GRID2: variants seen among roughly 807,000 people sequenced by gnomAD.
GRID2 encodes glutamate receptor ionotropic, delta-2.
A neutral mutation model predicts 114.8 loss-of-function variants in GRID2; 33 were observed. The ratio of observed to expected loss-of-function variants is 0.29; its 90% CI spans 0.22 to 0.38. GRID2 has a LOEUF of 0.38. Among genes scored for constraint, GRID2 ranks in the 10% least tolerant of loss-of-function variants. The probability of loss-of-function intolerance (pLI) is 1.00; values close to 1 mark genes in which losing one functional copy is unlikely to be tolerated. For synonymous variants in GRID2, 505 were observed against 449.9 expected (o/e 1.12, Z -1.55); for missense variants, 1,184 against 1,257.7 (o/e 0.94, Z 0.89).
At chr4:92,307,377 T>C (rs918106988) in intron 1 of GRID2, among the ~76,000 whole-genome samples, 1 of 152,008 alleles carries the variant, frequency 6.6e-6, no homozygotes, top group African/African-American at 2.4e-5. Flanking sequence ...CAGCCTCATG[T>C]GATGTGTTCA....
In GRID2 at chr4:93,332,121, T is replaced by C. The variant is rs532472926; in HGVS notation, c.1246-63486T>C. The stretch of plus-strand genomic sequence containing the variant: ...ATGTATTGCCAACCCACTTCAACGA[T>C]AGTAACTATAAGAAGTACAACTCAA... On this transcript the variant is annotated intron_variant, in intron 8 of 15. Coordinates refer to ENST00000282020, the MANE Select transcript of GRID2 (RefSeq NM_001510.4). Among the ~76,000 whole-genome samples the C allele has an allele frequency of 1.2e-4, 18 of 152,220 alleles. No homozygotes were observed. The South Asian group carries it at 3.7e-3, about 32-fold the overall frequency.
intron 10 of GRID2, among the ~76,000 whole-genome samples, chr4:93,430,226 G>T (rs1052569247): frequency 6.6e-6 from 1 of 151,950 alleles, no homozygotes; most frequent in Non-Finnish European, 1.5e-5. Flanking sequence ...TGTTGCCCAG[G>T]CTGGAGTTCA....
chr4:93,051,151 C>T (rs4491988), intron 2 of GRID2, among the ~76,000 whole-genome samples: 58,606 of 151,738 alleles, frequency 0.39, 11,700 homozygotes, highest in Middle Eastern at 0.53. Flanking sequence ...ATAGTATGAT[C>T]GGAGCCCAAA....
At chr4:92,940,066 T>C (rs1300924105) in intron 2 of GRID2, among the ~76,000 whole-genome samples, 1 of 147,114 alleles carries the variant, frequency 6.8e-6, no homozygotes, top group African/African-American at 2.4e-5. Flanking sequence ...TTTGGTTCCA[T>C]ATGAAATTTA....
chr4:93,295,202 G>A (rs1016658550), intron 8 of GRID2, among the ~76,000 whole-genome samples: 1 of 152,118 alleles, frequency 6.6e-6, no homozygotes. Flanking sequence ...AATTCAAAGG[G>A]ATCAGCACAT....
chr4:93,596,956 G>T (rs1739170931), intron 13 of GRID2, among the ~76,000 whole-genome samples: 1 of 152,140 alleles, frequency 6.6e-6, no homozygotes, highest in South Asian at 2.1e-4. Flanking sequence ...TCGGCATTTT[G>T]ATGCAATGTT....
chr4:92,923,639 G>A lies in GRID2; in HGVS notation c.245-161356G>A, dbSNP rs909863861. Among the ~76,000 whole-genome samples, 24 of 152,226 alleles carry A rather than the reference G, an allele frequency of 1.6e-4. No homozygotes were observed. In the South Asian group the frequency reaches 1.9e-3, roughly 12 times the overall value. On this transcript the variant is annotated intron_variant, in intron 2 of 15. Transcript: ENST00000282020. ...TATACCAGGAAAGATAAACTGCGACGTAACTGGGGAGTAGATACATTATAC... is the reference window on the plus strand; with the variant it reads ...TATACCAGGAAAGATAAACTGCGACATAACTGGGGAGTAGATACATTATAC...
chr4:93,186,042 C>T (rs1740384257), intron 4 of GRID2, among the ~76,000 whole-genome samples: 1 of 152,110 alleles, frequency 6.6e-6, no homozygotes, highest in South Asian at 2.1e-4. Context: ...TGATGGTTTC[C>T]ATCTTCATCC....
chr4:93,346,736 CT>C (rs1166882266), intron 8 of GRID2, among the ~76,000 whole-genome samples: 2 of 152,148 alleles, frequency 1.3e-5, no homozygotes, highest in Non-Finnish European at 2.9e-5. Flanking sequence ...AATAACTGAA[CT>C]TTCCTAAGCG....
intron 8 of GRID2, among the ~76,000 whole-genome samples, chr4:93,357,915 A>G (rs994857777): frequency 4.6e-5 from 7 of 151,798 alleles, no homozygotes; most frequent in Non-Finnish European, 8.9e-5. Context: ...AATCATATAA[A>G]GTTTTTACTG....
At chr4:93,106,488 G>A (rs370345456) in intron 3 of GRID2, among the ~76,000 whole-genome samples, 8 of 151,944 alleles carry the variant, frequency 5.3e-5, no homozygotes, top group South Asian at 2.1e-4. Context: ...CTGGGACGAC[G>A]AGCATGCACC....
In GRID2 at chr4:93,522,915, A is replaced by G. The variant is rs975055608; in HGVS notation, c.2193+7504A>G. On this transcript the variant is annotated intron_variant, in intron 13 of 15. Coordinates refer to ENST00000282020, the MANE Select transcript of GRID2 (RefSeq NM_001510.4). ...ACTGGAAAGAGATGCTTATGTGAATAATCAAATCGCCAAGAAGAAACGCAG... is the reference window on the plus strand; with the variant it reads ...ACTGGAAAGAGATGCTTATGTGAATGATCAAATCGCCAAGAAGAAACGCAG... Among the ~76,000 whole-genome samples the G allele has an allele frequency of 6.6e-5, 10 of 152,290 alleles. 1 individual carries two copies. The highest frequency in any genetic ancestry group is 4.1e-4 in the South Asian group (2 of 4,822).
At chr4:92,576,622 C>T (rs1042331687) in intron 1 of GRID2, among the ~76,000 whole-genome samples, 3 of 152,152 alleles carry the variant, frequency 2.0e-5, no homozygotes, top group East Asian at 3.9e-4. Flanking sequence ...TCTGCATGTG[C>T]CTGAGCATCT....
At chr4:93,740,207 A>T (rs1176096114) in intron 14 of GRID2, among the ~76,000 whole-genome samples, 2 of 152,202 alleles carry the variant, frequency 1.3e-5, no homozygotes, top group African/African-American at 4.8e-5. Context: ...GCAATAGGCT[A>T]CACTGTATAG....
intron 14 of GRID2, among the ~76,000 whole-genome samples, chr4:93,651,778 C>T (rs894913273): frequency 2.0e-5 from 3 of 152,100 alleles, no homozygotes; most frequent in Non-Finnish European, 4.4e-5. Flanking sequence ...AGTGTTTCAT[C>T]CCATTTAACA....
exon 2 of GRID2, chr4:93,808,822 G>C (rs1241765282): frequency 6.6e-6 from 1 of 152,138 alleles, no homozygotes; most frequent in Admixed American, 6.5e-5. Flanking sequence ...GGAGTCACCA[G>C]CCATTCCAGG....
chr4:92,305,965 G>A (rs538987670), intron 1 of GRID2, among the ~76,000 whole-genome samples: 1 of 152,260 alleles, frequency 6.6e-6, no homozygotes, highest in Non-Finnish European at 1.5e-5. Flanking sequence ...AAATTGAGGC[G>A]ACAGATGGGT....
At chr4:93,464,714 A>C (rs900270874) in intron 11 of GRID2, among the ~76,000 whole-genome samples, 1 of 152,168 alleles carries the variant, frequency 6.6e-6, no homozygotes, top group African/African-American at 2.4e-5. Context: ...AAATTTAACA[A>C]AAGATAAATG....
At chr4:93,718,279 T>C (rs1729078702) in intron 14 of GRID2, among the ~76,000 whole-genome samples, 1 of 152,200 alleles carries the variant, frequency 6.6e-6, no homozygotes, top group South Asian at 2.1e-4. Context: ...TTTTCATTTA[T>C]GTTTGGACAT....
Sources: allele counts gnomAD v4.1 joint callset (sites outside exome capture counted in the v4.1 genomes callset), GRCh38; gene constraint gnomAD v4.1.1; transcripts MANE v1.5; gene names NCBI Gene and HGNC (gene_info 2026-07-23, HGNC 2026-07-21).